The following ACSS3 variants were observed in gnomAD, a reference collection of about 807,000 sequenced individuals.
ACSS3 encodes acyl-CoA synthetase short chain family member 3, also known as acyl-CoA synthetase short-chain family member 3, mitochondrial.
Under a neutral mutation model 84.2 loss-of-function variants are expected in ACSS3, and 64 were observed. That is an observed-to-expected ratio of 0.76 (90% CI 0.62 to 0.94). The LOEUF is 0.94. Ranked by LOEUF, ACSS3 falls within the 40% of genes least tolerant of loss-of-function variation. ACSS3 has a pLI of 0.00. For synonymous variants in ACSS3, 317 were observed against 310.1 expected (o/e 1.02, Z -0.23); for missense variants, 815 against 867.6 (o/e 0.94, Z 0.76).
chr12:81,192,356 G>A (rs2031616811), intron 8 of ACSS3, among the ~76,000 whole-genome samples: 3 of 152,096 alleles, frequency 2.0e-5, no homozygotes, highest in Admixed American at 2.0e-4. Flanking sequence ...CTGCAGCCCG[G>A]GCGACAGAGC....
chr12:81,236,632 A>G (rs1435979621), intron 13 of ACSS3, among the ~76,000 whole-genome samples: 1 of 151,484 alleles, frequency 6.6e-6, no homozygotes, highest in Admixed American at 6.6e-5. Context: ...ACATTTAATT[A>G]TTGATATAGT....
rs183541419 is a variant in ACSS3 at position 81,258,784 on chromosome 12, A to T, written c.*3862A>T. 1 of 152,056 alleles carries T rather than the reference A, an allele frequency of 6.6e-6. No individual in the cohort carries two copies. The highest frequency in any genetic ancestry group is 1.5e-5 in the Non-Finnish European group (1 of 67,990). 9.4% of individuals were successfully genotyped at this position (152,056 alleles called of 1,614,324 possible). A position where few individuals can be genotyped will look rare whatever the true frequency, so the allele number is the denominator to read the frequency against. On this transcript the variant is annotated 3_prime_UTR_variant, in exon 16 of 16. Transcript: ENST00000548058. ...TGAGCCTCAGACTCTGCGGTGGTTG[A>T]CATTCACTGTCCAGTACTGGCTGGC...
At chr12:81,179,545 G>A (rs1348098578) in intron 8 of ACSS3, among the ~76,000 whole-genome samples, 5 of 152,028 alleles carry the variant, frequency 3.3e-5, no homozygotes, top group Non-Finnish European at 5.9e-5. Flanking sequence ...CACTTTGGGA[G>A]GCCGAGGTGG....
rs538094665 is a variant in ACSS3, at chr12:81,239,354, GA to G, written c.1719+5889del. ...TTCAACAATTTCATTCAGAGACAAG[GA>G]AAAAACATAAATCAGATATTTAGTT... On this transcript the variant is annotated intron_variant, in intron 13 of 15. Coordinates refer to ENST00000548058, the MANE Select transcript of ACSS3 (RefSeq NM_024560.4). 7.2e-5 allele frequency among the ~76,000 whole-genome samples: 11 copies of G among 151,806 alleles called. No individual in the cohort carries two copies. The South Asian group carries it at 2.3e-3, about 32-fold the overall frequency.
chr12:81,102,190 T>C (rs1882572156), intron 1 of ACSS3, among the ~76,000 whole-genome samples: 1 of 152,184 alleles, frequency 6.6e-6, no homozygotes, highest in Admixed American at 6.5e-5. Context: ...AAAGATCCTT[T>C]TTCACTTGTC....
chr12:81,191,286 G>T (rs1350320556), intron 8 of ACSS3, among the ~76,000 whole-genome samples: 1 of 151,924 alleles, frequency 6.6e-6, no homozygotes, highest in East Asian at 1.9e-4. Flanking sequence ...TTATAGCATG[G>T]TTTTACCTGC....
intron 9 of ACSS3, among the ~76,000 whole-genome samples, chr12:81,213,590 C>CTCTCCTCTCCTCTCCTCTCCTCTCCTCT (rs1565723274): frequency 4.3e-4 from 4 of 9,312 alleles, no homozygotes; most frequent in African/African-American, 1.2e-3. Context: ...TCCTCCCCTC[C>CTCTCCTCTCCTCTCCTCTCCTCTCCTCT]CCTCCCCTCC....
intron 8 of ACSS3, among the ~76,000 whole-genome samples, chr12:81,194,247 A>G (rs1293330220): frequency 1.3e-5 from 2 of 151,716 alleles, no homozygotes; most frequent in Non-Finnish European, 3.0e-5. Context: ...TGAGAGTTAA[A>G]TTATATTTGA....
At position 81,153,227 on chromosome 12, in the gene ACSS3, G is replaced by A. The variant is rs942907135; in HGVS notation, c.1098+1131G>A. Among the ~76,000 whole-genome samples, 8 of 152,160 alleles carry A rather than the reference G, an allele frequency of 5.3e-5. No individual in the cohort carries two copies. The East Asian group carries it at 1.6e-3, about 30-fold the overall frequency. ...GTTCGAGACCAGCCTGCCAAACATG[G>A]TGAAGCCCTGTCTGTACTAAAAATG... is the stretch of plus-strand genomic sequence containing the variant. On this transcript the variant is annotated intron_variant, in intron 7 of 15. Transcript: ENST00000548058.
intron 1 of ACSS3, among the ~76,000 whole-genome samples, chr12:81,092,073 G>A (rs912603282): frequency 3.3e-5 from 5 of 151,860 alleles, no homozygotes; most frequent in Admixed American, 6.6e-5. Context: ...TTAAAAACGA[G>A]CTGTGCATAC....
rs1488005521 is a variant in ACSS3 at position 81,233,379 on chromosome 12, A to G, written c.1627A>G (p.Met543Val). The change falls in exon 13 of 16, where the codon ATG (methionine) becomes GTG (valine). Residue 543 changes from methionine (M) to valine (V), a missense_variant. Met to Val is a conservative substitution (Grantham distance 21). Coordinates refer to ENST00000548058, the MANE Select transcript of ACSS3 (RefSeq NM_024560.4). ...GYYDTMDAGY[M>V]DEEGYLYVMS... ...TTATGATACCATGGATGCTGGTTAC[A>G]TGGATGAAGAAGGCTATTTGTATGT... 3.1e-6 allele frequency: 5 copies of G among 1,610,990 alleles called. No individual in the cohort carries two copies. Among genetic ancestry groups the G allele is most frequent in the Admixed American group, 1.7e-5 (1 of 59,816 alleles).
chr12:81,243,455 A>G (rs1289072486), intron 13 of ACSS3, among the ~76,000 whole-genome samples: 1 of 152,226 alleles, frequency 6.6e-6, no homozygotes, highest in African/African-American at 2.4e-5. Context: ...TGTAGATTCA[A>G]TGCCATCCCC....
chr12:81,134,801 A>G lies in ACSS3; in HGVS notation c.457-15A>G. ...ATACAAAATACACTTTACTGATTTA[A>G]TGGTCTTGGCATAGGTCTCCAAGCT... On this transcript the variant is annotated splice_polypyrimidine_tract_variant and intron_variant, in intron 2 of 15. Transcript: ENST00000548058. 1 of 1,504,118 alleles carries G rather than the reference A, an allele frequency of 6.6e-7. No homozygotes were observed. Among genetic ancestry groups the G allele is most frequent in the Non-Finnish European group, 9.0e-7 (1 of 1,116,472 alleles). 93.2% of individuals were successfully genotyped at this position (1,504,118 alleles called of 1,614,324 possible).
In ACSS3 at chr12:81,142,263, G is replaced by A. The variant is rs764034609; in HGVS notation, c.781-844G>A. ...GTTCGCCAATTATAAACTTCCTGAT[G>A]TGTGATCTTGAGCTCAGCTAACATC... is the stretch of plus-strand genomic sequence containing the variant. On this transcript the variant is annotated intron_variant, in intron 4 of 15. Coordinates refer to ENST00000548058, the MANE Select transcript of ACSS3 (RefSeq NM_024560.4). 2.0e-5 allele frequency among the ~76,000 whole-genome samples: 3 copies of A among 152,186 alleles called. No homozygotes were observed. In the South Asian group the frequency reaches 6.2e-4, roughly 32 times the overall value.
At chr12:81,210,047 T>A (rs1308905582) in intron 9 of ACSS3, among the ~76,000 whole-genome samples, 2 of 152,192 alleles carry the variant, frequency 1.3e-5, no homozygotes, top group Non-Finnish European at 2.9e-5. Flanking sequence ...GACCTGTATC[T>A]TGTGCCAACT....
rs1345102488 is a variant in ACSS3, at chr12:81,255,328, T to C, written c.*406T>C. ...AAAGTCAGAAAATAATTAAAATTTT[T>C]CTTGTAGAAATTTTAGATATTTTCT... On this transcript the variant is annotated 3_prime_UTR_variant, in exon 16 of 16. Transcript: ENST00000548058. 6.5e-6 allele frequency: 1 copy of C among 153,518 alleles called. No individual in the cohort carries two copies. The allele number at this position is 153,518 out of a possible 1,614,324, so 9.5% of individuals were successfully genotyped here.
At chr12:81,200,434 T>G (rs1302417585) in intron 9 of ACSS3, among the ~76,000 whole-genome samples, 1 of 152,206 alleles carries the variant, frequency 6.6e-6, no homozygotes, top group Non-Finnish European at 1.5e-5. Flanking sequence ...TAAAAATTAG[T>G]GAGATTACTT....
intron 5 of ACSS3, among the ~76,000 whole-genome samples, chr12:81,150,417 T>C (rs902973356): frequency 6.6e-6 from 1 of 152,200 alleles, no homozygotes; most frequent in African/African-American, 2.4e-5. Context: ...TGTTGAGCCA[T>C]AGGAAAAGAT....
At chr12:81,105,444 A>T (rs1882905040) in intron 1 of ACSS3, among the ~76,000 whole-genome samples, 1 of 152,222 alleles carries the variant, frequency 6.6e-6, no homozygotes, top group South Asian at 2.1e-4. Context: ...AATCATCTAT[A>T]AATGAATGAG....
Sources: allele counts gnomAD v4.1 joint callset (sites outside exome capture counted in the v4.1 genomes callset), GRCh38; gene constraint gnomAD v4.1.1; transcripts MANE v1.5; gene names NCBI Gene and HGNC (gene_info 2026-07-23, HGNC 2026-07-21).